CYFIP2: variants seen among roughly 807,000 people sequenced by gnomAD.
CYFIP2 encodes the protein cytoplasmic FMR1-interacting protein 2.
In CYFIP2, 29 loss-of-function variants were observed where a neutral mutation model predicts 158.7. The ratio of observed to expected loss-of-function variants is 0.18; its 90% CI spans 0.14 to 0.25. The LOEUF (loss-of-function observed/expected upper bound fraction) is 0.25. CYFIP2 is among the 10% of genes least tolerant of loss of function. The pLI is 1.00. For missense variants in CYFIP2, 852 were observed against 1,639.5 expected (o/e 0.52, Z 8.29); for synonymous variants, 585 against 617.6 (o/e 0.95, Z 0.78).
chr5:157,377,657 G>T (rs1765616600), intron 26 of CYFIP2, among the ~76,000 whole-genome samples: 1 of 152,184 alleles, frequency 6.6e-6, no homozygotes, highest in Admixed American at 6.5e-5. Context: ...CTATATAAAT[G>T]AAAGAATGAC....
chr5:157,301,623 G>T (rs1758755193), intron 6 of CYFIP2, among the ~76,000 whole-genome samples: 1 of 152,132 alleles, frequency 6.6e-6, no homozygotes, highest in South Asian at 2.1e-4. Flanking sequence ...CAGGGTCTCT[G>T]CCAGCTCTTA....
chr5:157,370,817 C>A (rs1764927112), intron 26 of CYFIP2, among the ~76,000 whole-genome samples: 1 of 152,148 alleles, frequency 6.6e-6, no homozygotes, highest in Non-Finnish European at 1.5e-5. Context: ...TGATTCTGAT[C>A]CAGAATAATA....
Position 157,382,872 on chromosome 5 carries a change from G to T in CYFIP2, c.3112+210G>T, listed in dbSNP as rs577315342. ...CATGACCAACCAGACAGACTCTGAG[G>T]CCTATTATCTTTGATTCTGTCATTC... is the stretch of plus-strand genomic sequence containing the variant. On this transcript the variant is annotated intron_variant, in intron 27 of 30. Coordinates refer to ENST00000620254, the MANE Select transcript of CYFIP2 (RefSeq NM_001037333.3). Among the ~76,000 whole-genome samples the T allele has an allele frequency of 1.3e-4, 20 of 152,226 alleles. No homozygotes were observed. The South Asian group carries it at 3.9e-3, about 30-fold the overall frequency.
At position 157,324,117 on chromosome 5, in the gene CYFIP2, T is replaced by G. The variant is rs1347167960; in HGVS notation, c.1825+43T>G. On this transcript the variant is annotated intron_variant, in intron 16 of 30. Coordinates refer to ENST00000620254, the MANE Select transcript of CYFIP2 (RefSeq NM_001037333.3). ...CCTGCTAAGGCATGGGAGGAGGGGATGAGGGCTCTCAGAGCCGCTAAGACC... is the reference window on the plus strand; with the variant it reads ...CCTGCTAAGGCATGGGAGGAGGGGAGGAGGGCTCTCAGAGCCGCTAAGACC... 3.8e-6 allele frequency: 6 copies of G among 1,566,362 alleles called. No homozygotes were observed. In the Admixed American group the frequency reaches 7.1e-5, roughly 19 times the overall value.
At chr5:157,355,540 T>C (rs1050517251) in intron 23 of CYFIP2, among the ~76,000 whole-genome samples, 2 of 152,168 alleles carry the variant, frequency 1.3e-5, no homozygotes, top group African/African-American at 4.8e-5. Context: ...CCCAAGAGCA[T>C]CTAACTAGTG....
intron 15 of CYFIP2, among the ~76,000 whole-genome samples, chr5:157,322,682 C>A (rs978847095): frequency 1.4e-4 from 22 of 152,180 alleles, no homozygotes; most frequent in African/African-American, 5.1e-4. Flanking sequence ...GTGGGTCACA[C>A]GTTTCTGTGG....
intron 8 of CYFIP2, among the ~76,000 whole-genome samples, chr5:157,305,545 C>T (rs1164660021): frequency 6.6e-6 from 1 of 152,236 alleles, no homozygotes; most frequent in Non-Finnish European, 1.5e-5. Flanking sequence ...GAGTCTCATT[C>T]TGTCTCCCAG....
intron 28 of CYFIP2, among the ~76,000 whole-genome samples, chr5:157,385,878 A>G (rs1766630233): frequency 6.6e-6 from 1 of 152,078 alleles, no homozygotes; most frequent in African/African-American, 2.4e-5. Context: ...AAACTCACAT[A>G]AGAAGGGCAG....
intron 26 of CYFIP2, among the ~76,000 whole-genome samples, chr5:157,367,429 G>C (rs1764488966): frequency 6.6e-6 from 1 of 152,204 alleles, no homozygotes; most frequent in South Asian, 2.1e-4. Flanking sequence ...TAGGAAAACT[G>C]AGGCCCAAGA....
intron 23 of CYFIP2, among the ~76,000 whole-genome samples, chr5:157,353,124 C>T (rs1763183149): frequency 6.6e-6 from 1 of 152,190 alleles, no homozygotes; most frequent in Non-Finnish European, 1.5e-5. Flanking sequence ...TGTTCGAAGC[C>T]ACCAAATTTG....
chr5:157,309,881 C>A, intron 10 of CYFIP2, 47 bp downstream of exon 10: 2 of 1,531,756 alleles, frequency 1.3e-6, no homozygotes, highest in Non-Finnish European at 1.8e-6. Flanking sequence ...GGATGCCCAG[C>A]CCGGGCAGAG....
At chr5:157,380,958 T>A (rs1427642297) in intron 26 of CYFIP2, among the ~76,000 whole-genome samples, 1 of 152,224 alleles carries the variant, frequency 6.6e-6, no homozygotes, top group African/African-American at 2.4e-5. Context: ...CTCACACCTG[T>A]AATCCCAGCA....
chr5:157,289,478 C>G (rs1182961454), intron 3 of CYFIP2, among the ~76,000 whole-genome samples: 2 of 152,184 alleles, frequency 1.3e-5, no homozygotes, highest in African/African-American at 2.4e-5. Flanking sequence ...ATTAGAAGTC[C>G]AAGATCAAGG....
Position 157,359,058 on chromosome 5 carries a change from G to T in CYFIP2, c.2727G>T (p.Gly909=), listed in dbSNP as rs763041723. The part of the protein sequence containing the change: ...HIYSSYRNFV[G]PPHFKTICRL... ...ACAGCTCCTACAGGAATTTCGTGGG[G>T]CCACCTCATTTCAAGACTATCTGCA... is the stretch of plus-strand genomic sequence containing the variant. The change falls in exon 24 of 31, where the codon GGG becomes GGT. Residue 909 remains glycine, a synonymous_variant. Transcript: ENST00000620254. The T allele has an allele frequency of 8.1e-6, 13 of 1,613,870 alleles. No individual in the cohort carries two copies. The highest frequency in any genetic ancestry group is 1.1e-5 in the Non-Finnish European group (13 of 1,179,900).
intron 20 of CYFIP2, 104 bp downstream of exon 20, chr5:157,330,954 A>C: frequency 1.2e-6 from 1 of 856,216 alleles, no homozygotes; most frequent in South Asian, 1.5e-5. Context: ...TCTGCCCGGC[A>C]TGTTGCCAGT....
intron 24 of CYFIP2, 26 bp downstream of exon 24, chr5:157,359,174 G>T: frequency 6.2e-7 from 1 of 1,613,374 alleles, no homozygotes; most frequent in South Asian, 1.1e-5. Flanking sequence ...AGTGTGGCTT[G>T]AGATATGCCC....
At chr5:157,351,669 T>C (rs962790596) in intron 23 of CYFIP2, among the ~76,000 whole-genome samples, 1 of 152,198 alleles carries the variant, frequency 6.6e-6, no homozygotes, top group Non-Finnish European at 1.5e-5. Context: ...CCACTAGAGC[T>C]GGAGATCCTG....
intron 3 of CYFIP2, among the ~76,000 whole-genome samples, chr5:157,291,088 A>G (rs544322917): frequency 1.3e-5 from 2 of 152,188 alleles, no homozygotes; most frequent in Non-Finnish European, 2.9e-5. Flanking sequence ...GAAGCTGTCA[A>G]TGTGGGCTGC....
At chr5:157,341,220 G>A in intron 23 of CYFIP2, 63 bp downstream of exon 23, 1 of 1,474,958 alleles carries the variant, frequency 6.8e-7, no homozygotes, top group South Asian at 1.1e-5. Context: ...ATAGAAAAGT[G>A]TCTCTTAATT....
Sources: gnomAD v4.1 joint callset for allele counts (sites outside exome capture counted in the v4.1 genomes callset) on GRCh38, gnomAD v4.1.1 for gene constraint, MANE v1.5 for transcripts, NCBI Gene and HGNC (gene_info 2026-07-23, HGNC 2026-07-21) for gene names.